HDX: variants seen among roughly 807,000 people sequenced by gnomAD.
The protein encoded by HDX is chromosome X open reading frame 43.
HDX carries 19 observed loss-of-function variants against 45.2 expected under a neutral mutation model. The ratio of observed to expected loss-of-function variants is 0.42; its 90% CI spans 0.29 to 0.62. HDX has a LOEUF of 0.62. Ranked by LOEUF, HDX falls within the 20% of genes least tolerant of loss-of-function variation. HDX has a pLI of 0.20. For missense variants in HDX, 532 were observed against 493.9 expected (o/e 1.08, Z -0.73); for synonymous variants, 188 against 172.8 (o/e 1.09, Z -0.69).
chrX:84,361,693 A>G, intron 5 of HDX, 81 bp from the exon 6 acceptor site: 2 of 771,075 alleles, frequency 2.6e-6, no homozygotes, highest in Non-Finnish European at 3.6e-6. Context: ...GAGAAGCATC[A>G]GGGTGAGATG....
intron 5 of HDX, among the ~76,000 whole-genome samples, chrX:84,391,079 G>A (rs1431493777): frequency 9.0e-6 from 1 of 111,491 alleles, no homozygotes; most frequent in Non-Finnish European, 1.9e-5. Flanking sequence ...CTGTATATTT[G>A]TATCCATTAA....
At chrX:84,331,926 T>A (rs910440652) in intron 9 of HDX, among the ~76,000 whole-genome samples, 19 of 111,454 alleles carry the variant, frequency 1.7e-4, no homozygotes, top group African/African-American at 5.2e-4. Flanking sequence ...AATGACAAAA[T>A]TGCCTAACAA....
intron 1 of HDX, among the ~76,000 whole-genome samples, chrX:84,490,164 CCTCT>C (rs1035084202): frequency 4.5e-5 from 5 of 110,530 alleles, no homozygotes; most frequent in Non-Finnish European, 9.5e-5. Flanking sequence ...CAATTTGTGT[CCTCT>C]CTCCTTTTTT....
intron 7 of HDX, among the ~76,000 whole-genome samples, chrX:84,342,538 T>TGA (rs1345139155): frequency 8.3e-5 from 9 of 108,102 alleles, no homozygotes; most frequent in African/African-American, 1.0e-4. Flanking sequence ...TGTGTGTGTG[T>TGA]GAGAGAGAGA....
chrX:84,322,060 GT>G, intron 10 of HDX, 46 bp from the exon 11 acceptor site: 1 of 890,821 alleles, frequency 1.1e-6, no homozygotes, highest in Non-Finnish European at 1.5e-6. Context: ...TGGATAGATT[GT>G]TTTCCAATTT....
chrX:84,463,422 A>G (rs1350404036), intron 4 of HDX, among the ~76,000 whole-genome samples: 1 of 111,215 alleles, frequency 9.0e-6, no homozygotes, highest in Non-Finnish European at 1.9e-5. Context: ...GTCCACAAGT[A>G]ATAGAGAAAG....
intron 2 of HDX, among the ~76,000 whole-genome samples, chrX:84,478,677 G>C (rs1181864493): frequency 2.7e-5 from 3 of 110,545 alleles, no homozygotes; most frequent in East Asian, 5.6e-4. Context: ...AGCATGGTGA[G>C]ACCCCACCTC....
chrX:84,375,585 T>A (rs1248993359), intron 5 of HDX, among the ~76,000 whole-genome samples: 2 of 111,671 alleles, frequency 1.8e-5, no homozygotes, highest in Admixed American at 1.9e-4. Context: ...TGAGTTCATG[T>A]CCTTTGTAGG....
chrX:84,354,302 G>A (rs1457869075), intron 6 of HDX, among the ~76,000 whole-genome samples: 5 of 111,450 alleles, frequency 4.5e-5, no homozygotes, highest in Non-Finnish European at 7.5e-5. Flanking sequence ...ACATTTCTAA[G>A]TATCTTTCTA....
chrX:84,469,430 CAAG>C lies in HDX; in HGVS notation c.290_292del (p.Ser97del). ...AATGACATCATTATTGGCAGATGTC[CAAG>C]AAGACTGCTGGCTTGAGGGTCGAGC... On this transcript the variant is annotated inframe_deletion, in exon 4 of 11. Transcript: ENST00000373177. 8.3e-6 allele frequency: 10 copies of C among 1,210,719 alleles called. No homozygotes were observed. Among genetic ancestry groups the C allele is most frequent in the Non-Finnish European group, 4.5e-6 (4 of 895,037 alleles).
At chrX:84,399,487 A>G (rs993709471) in intron 5 of HDX, among the ~76,000 whole-genome samples, 1 of 111,246 alleles carries the variant, frequency 9.0e-6, no homozygotes, top group Non-Finnish European at 1.9e-5. Flanking sequence ...ATTTCTGAAC[A>G]CATACACCCT....
At chrX:84,397,491 AT>A (rs1364026196) in intron 5 of HDX, among the ~76,000 whole-genome samples, 1 of 111,186 alleles carries the variant, frequency 9.0e-6, no homozygotes, top group Non-Finnish European at 1.9e-5. Context: ...CATGTTTAAG[AT>A]TGCAGGAGTC....
Position 84,469,595 on chromosome X carries a change from T to C in HDX, c.148-20A>G. 1 of 1,116,246 alleles carries C rather than the reference T, an allele frequency of 9.0e-7. No homozygotes were observed. The highest frequency in any genetic ancestry group is 1.2e-6 in the Non-Finnish European group (1 of 848,573). The allele number at this position is 1,116,246 out of a possible 1,213,427, so 92.0% of individuals were successfully genotyped here. A position where few individuals can be genotyped will look rare whatever the true frequency, so the allele number is the denominator to read the frequency against. On this transcript the variant is annotated intron_variant, in intron 3 of 10. Transcript: ENST00000373177. ...CCACGTCTGGAAGGATAAAACATGGTATTATGAAAAAAAAATTAAAAACAA... is the reference window on the plus strand; with the variant it reads ...CCACGTCTGGAAGGATAAAACATGGCATTATGAAAAAAAAATTAAAAACAA...
chrX:84,320,713 A>G lies in HDX; in HGVS notation c.*1176T>C, dbSNP rs770499507. The G allele has an allele frequency of 1.1e-4, 12 of 110,618 alleles. No homozygotes were observed. In the South Asian group the frequency reaches 4.2e-3, roughly 39 times the overall value. The allele number at this position is 110,618 out of a possible 1,213,427, so 9.1% of individuals were successfully genotyped here. On this transcript the variant is annotated 3_prime_UTR_variant, in exon 11 of 11. Coordinates refer to ENST00000373177, the MANE Select transcript of HDX (RefSeq NM_001177479.2). The stretch of plus-strand genomic sequence containing the variant: ...GGGAGAAACTGACATTTTTTCTTCT[A>G]TGGGTCTTGGTAATACCATCTGGTA...
chrX:84,352,551 C>T (rs1332119998), intron 6 of HDX, among the ~76,000 whole-genome samples: 1 of 111,152 alleles, frequency 9.0e-6, no homozygotes, highest in East Asian at 2.8e-4. Context: ...CATTTTGGTA[C>T]AGGCATGCAA....
chrX:84,368,133 T>C (rs747929051), intron 5 of HDX, among the ~76,000 whole-genome samples: 1 of 111,966 alleles, frequency 8.9e-6, no homozygotes, highest in South Asian at 3.7e-4. Flanking sequence ...AGTGAAAACA[T>C]AGCTTCTTAT....
At position 84,440,537 on chromosome X, in the gene HDX, T is replaced by C; in HGVS notation, c.1300A>G (p.Arg434Gly). The change falls in exon 5 of 11, where the codon AGA becomes GGA. Residue 434 changes from arginine to glycine, a missense_variant. Coordinates refer to ENST00000373177, the MANE Select transcript of HDX (RefSeq NM_001177479.2). ...TTAAATGAAAGATTACTTACTGCTC[T>C]TTTTCTAGAACACCCTGTAATCCAA... Reference protein sequence around the residue: ...VPWITGCSRKRALQDRTQFSD... With the variant: ...VPWITGCSRKGALQDRTQFSD... 1 of 1,179,391 alleles carries C rather than the reference T, an allele frequency of 8.5e-7. No homozygotes were observed. The highest frequency in any genetic ancestry group is 1.2e-6 in the Non-Finnish European group (1 of 868,565).
At chrX:84,356,322 T>C (rs914858467) in intron 6 of HDX, among the ~76,000 whole-genome samples, 3 of 111,863 alleles carry the variant, frequency 2.7e-5, no homozygotes, top group African/African-American at 9.7e-5. Context: ...CCAAATTTTC[T>C]CTCTGCCATG....
chrX:84,450,993 G>A (rs1035648737), intron 4 of HDX, among the ~76,000 whole-genome samples: 2 of 111,492 alleles, frequency 1.8e-5, no homozygotes, highest in African/African-American at 3.3e-5. Context: ...TAAAACAAAT[G>A]AAAATTGAAA....
Sources: gnomAD v4.1 joint callset for allele counts (sites outside exome capture counted in the v4.1 genomes callset) on GRCh38, gnomAD v4.1.1 for gene constraint, MANE v1.5 for transcripts, NCBI Gene and HGNC (gene_info 2026-07-23, HGNC 2026-07-21) for gene names.